TBC1D8: variants seen among roughly 807,000 people sequenced by gnomAD.
TBC1D8 encodes the protein TBC1 domain family member 8.
Under a neutral mutation model 118.8 loss-of-function variants are expected in TBC1D8, and 65 were observed. That is an observed-to-expected ratio of 0.55 (90% CI 0.45 to 0.67). The LOEUF (loss-of-function observed/expected upper bound fraction) is 0.67, where lower values mean the gene tolerates loss of function less well. Ranked by LOEUF, TBC1D8 falls within the 30% of genes least tolerant of loss-of-function variation. TBC1D8 has a pLI of 0.00. For missense variants in TBC1D8, 1,376 were observed against 1,471.2 expected (o/e 0.94, Z 1.06); for synonymous variants, 566 against 595.8 (o/e 0.95, Z 0.73).
intron 2 of TBC1D8, chr2:101,068,547 T>A: frequency 1.8e-6 from 1 of 542,890 alleles, no homozygotes; most frequent in Non-Finnish European, 3.4e-6. Flanking sequence ...CCCAAACTTT[T>A]ACCCTTAAAA....
chr2:101,019,562 TAAA>T (rs1477153582), intron 17 of TBC1D8: 1 of 152,846 alleles, frequency 6.5e-6, no homozygotes, highest in Non-Finnish European at 1.5e-5. Context: ...AAACATACAC[TAAA>T]AAATAATACA....
intron 1 of TBC1D8, among the ~76,000 whole-genome samples, chr2:101,093,732 T>C (rs932363407): frequency 6.6e-6 from 1 of 150,790 alleles, no homozygotes; most frequent in Admixed American, 6.6e-5. Context: ...AAAAAAGAGA[T>C]GGAGGGTCAC....
At chr2:101,076,001 G>A (rs990376447) in intron 2 of TBC1D8, among the ~76,000 whole-genome samples, 6 of 152,104 alleles carry the variant, frequency 3.9e-5, no homozygotes, top group African/African-American at 1.4e-4. Context: ...CTAAAAAGGG[G>A]AGAAGGGAGA....
chr2:101,049,418 T>C (rs1681908711), intron 5 of TBC1D8, among the ~76,000 whole-genome samples: 2 of 152,202 alleles, frequency 1.3e-5, no homozygotes, highest in South Asian at 4.1e-4. Context: ...TTCTACAAAC[T>C]AATTTCCTGT....
rs935515961 is a variant in TBC1D8 at position 101,047,808 on chromosome 2, T to C, written c.872+2593A>G. Among the ~76,000 whole-genome samples the C allele has an allele frequency of 2.0e-5, 3 of 152,184 alleles. No individual in the cohort carries two copies. In the South Asian group the frequency reaches 6.2e-4, roughly 32 times the overall value. The stretch of plus-strand genomic sequence containing the variant: ...CAGGGTAGAAGACAGAGGGGGAATG[T>C]CTTGTAGAATCTCCTTGAATTCTGG... On this transcript the variant is annotated intron_variant, in intron 5 of 19. Transcript: ENST00000409318.
At chr2:101,061,115 G>A (rs1189383963) in intron 2 of TBC1D8, among the ~76,000 whole-genome samples, 1 of 148,662 alleles carries the variant, frequency 6.7e-6, no homozygotes, top group Non-Finnish European at 1.5e-5. Flanking sequence ...TCGAACCTGG[G>A]AGGCGGAGAT....
chr2:101,137,993 T>C (rs890341137), intron 1 of TBC1D8, among the ~76,000 whole-genome samples: 3 of 152,194 alleles, frequency 2.0e-5, no homozygotes, highest in Non-Finnish European at 2.9e-5. Flanking sequence ...ACAGGAAGCA[T>C]GGCTGGAGAG....
At chr2:101,027,964 G>T in intron 14 of TBC1D8, 84 bp downstream of exon 14, 2 of 1,182,036 alleles carry the variant, frequency 1.7e-6, no homozygotes, top group Non-Finnish European at 2.5e-6. Flanking sequence ...TTCAAAGCTG[G>T]CATTCTTATG....
chr2:101,110,836 G>A (rs1217572894), intron 1 of TBC1D8, among the ~76,000 whole-genome samples: 2 of 152,008 alleles, frequency 1.3e-5, no homozygotes, highest in Non-Finnish European at 2.9e-5. Context: ...TAGCCGGGCA[G>A]GGTGGCACAC....
chr2:101,008,773 T>G (rs1249517332), intron 19 of TBC1D8, among the ~76,000 whole-genome samples: 1 of 151,366 alleles, frequency 6.6e-6, no homozygotes, highest in Non-Finnish European at 1.5e-5. Context: ...ATCACACCAT[T>G]GCACTCCAGC....
At position 101,090,325 on chromosome 2, in the gene TBC1D8, T is replaced by G. The variant is rs200658638; in HGVS notation, c.167A>C (p.Asn56Thr). 1 of 1,613,976 alleles carries G rather than the reference T, an allele frequency of 6.2e-7. No individual in the cohort carries two copies. The highest frequency in any genetic ancestry group is 1.7e-5 in the Admixed American group (1 of 60,020). Residue 56 changes from asparagine to threonine, a missense_variant, in exon 2 of 20, where the codon AAT (asparagine) becomes ACT (threonine). Transcript: ENST00000409318. ...AATTCGAAATGGAGCGACCCGTGCA[T>G]TGGAATCCAACACTGCATCCAGAGC... ...VGALDAVLDS[N>T]ARVAPFRILL... is the part of the protein sequence containing the mutation.
rs1573129384 is a variant in TBC1D8 at position 101,151,262 on chromosome 2, T to C, written c.-9A>G. 2.6e-6 allele frequency: 3 copies of C among 1,138,362 alleles called. No individual in the cohort carries two copies. Among genetic ancestry groups the C allele is most frequent in the African/African-American group, 1.7e-5 (1 of 58,006 alleles). The allele number at this position is 1,138,362 out of a possible 1,614,324, so 70.5% of individuals were successfully genotyped here. A position where few individuals can be genotyped will look rare whatever the true frequency, so the allele number is the denominator to read the frequency against. The stretch of plus-strand genomic sequence containing the variant: ...TCGGGCTTGAGCCACATCGCGGCGG[T>C]CCGGCCGCGCCCGCCGGCCCCAGCT... On this transcript the variant is annotated 5_prime_UTR_variant, in exon 1 of 20. Transcript: ENST00000409318.
intron 15 of TBC1D8, among the ~76,000 whole-genome samples, 178 bp from the exon 16 acceptor site, chr2:101,022,699 T>C (rs949169870): frequency 6.6e-6 from 1 of 152,210 alleles, no homozygotes; most frequent in Non-Finnish European, 1.5e-5. Context: ...TCACGTTGGT[T>C]TTTTTATTAA....
chr2:101,113,512 T>C (rs1677695240), intron 1 of TBC1D8, among the ~76,000 whole-genome samples: 1 of 152,158 alleles, frequency 6.6e-6, no homozygotes, highest in East Asian at 1.9e-4. Context: ...TCACAGCCCA[T>C]GATGCACAAA....
intron 6 of TBC1D8, among the ~76,000 whole-genome samples, chr2:101,039,437 G>T (rs1681241381): frequency 6.6e-6 from 1 of 152,200 alleles, no homozygotes; most frequent in African/African-American, 2.4e-5. Flanking sequence ...GGGCAACACA[G>T]TGAAACCCTC....
intron 13 of TBC1D8, 22 bp downstream of exon 13, chr2:101,028,281 A>G: frequency 6.9e-7 from 1 of 1,457,218 alleles, no homozygotes; most frequent in Non-Finnish European, 9.3e-7. Flanking sequence ...GCAACGGGGC[A>G]TGGGGCGGGG....
intron 1 of TBC1D8, among the ~76,000 whole-genome samples, chr2:101,108,954 G>A (rs572428576): frequency 8.5e-5 from 13 of 152,164 alleles, no homozygotes; most frequent in Admixed American, 7.9e-4. Flanking sequence ...ACCAGGTATG[G>A]GGTATACCAG....
At chr2:101,115,338 G>A (rs1677775210) in intron 1 of TBC1D8, among the ~76,000 whole-genome samples, 1 of 152,204 alleles carries the variant, frequency 6.6e-6, no homozygotes, top group Non-Finnish European at 1.5e-5. Context: ...CTTAGCAGGA[G>A]CAATTTACTT....
intron 1 of TBC1D8, among the ~76,000 whole-genome samples, chr2:101,122,415 T>C (rs1383845774): frequency 9.6e-6 from 1 of 104,354 alleles, no homozygotes; most frequent in Non-Finnish European, 2.1e-5. Flanking sequence ...AAAAAAAGCA[T>C]GGATAATGCC....
Sources: gnomAD v4.1 joint callset for allele counts (sites outside exome capture counted in the v4.1 genomes callset) on GRCh38, gnomAD v4.1.1 for gene constraint, MANE v1.5 for transcripts, NCBI Gene and HGNC (gene_info 2026-07-23, HGNC 2026-07-21) for gene names.